Variants in BTBD2 observed in about 807,000 individuals in gnomAD.
BTBD2 encodes the protein BTB/POZ domain-containing protein 2.
In BTBD2, 15 loss-of-function variants were observed where a neutral mutation model predicts 44.0. The observed-to-expected ratio is 0.34, with a 90% CI of 0.23 to 0.53. BTBD2 has a LOEUF of 0.53. BTBD2 is among the 20% of genes least tolerant of loss of function. The pLI is 0.95. For synonymous variants in BTBD2, 443 were observed against 335.9 expected, an observed-to-expected ratio of 1.32 and a Z score of -3.49; for missense variants, 657 against 746.4, an observed-to-expected ratio of 0.88 and a Z score of 1.39.
chr19:1,986,246 A>G lies in BTBD2; in HGVS notation c.*242T>C. 2 of 551,204 alleles carry G rather than the reference A, an allele frequency of 3.6e-6. No individual in the cohort carries two copies. Among genetic ancestry groups the G allele is most frequent in the Non-Finnish European group, 6.5e-6 (2 of 307,878 alleles). The allele number at this position is 551,204 out of a possible 1,614,324, so 34.1% of individuals were successfully genotyped here. A position where few individuals can be genotyped will look rare whatever the true frequency, so the allele number is the denominator to read the frequency against. ...ACAGCCCTGTCCCTAGTCCTGAGGG[A>G]TTGTCTCCACAGGGCCTGGCCACTG... On this transcript the variant is annotated 3_prime_UTR_variant, in exon 9 of 9. Transcript: ENST00000255608.
chr19:2,000,372 T>C (rs1218485690), intron 1 of BTBD2, among the ~76,000 whole-genome samples: 1 of 152,204 alleles, frequency 6.6e-6, no homozygotes, highest in Non-Finnish European at 1.5e-5. Flanking sequence ...TTCTCTTTCT[T>C]GATTTAAAAA....
intron 1 of BTBD2, among the ~76,000 whole-genome samples, chr19:1,998,675 C>T (rs939671375): frequency 2.0e-5 from 3 of 152,212 alleles, no homozygotes; most frequent in African/African-American, 7.2e-5. Context: ...TCCACGGCTC[C>T]CAGGCTCAAG....
chr19:1,987,833 C>T, intron 5 of BTBD2, 141 bp from the exon 6 acceptor site: 1 of 827,678 alleles, frequency 1.2e-6, no homozygotes, highest in East Asian at 2.7e-5. Flanking sequence ...CCCCGGGGGA[C>T]TAGCCACCAG....
In BTBD2 at chr19:2,015,626, G is replaced by C; in HGVS notation, c.78C>G (p.Pro26=). 14 of 979,744 alleles carry C rather than the reference G, an allele frequency of 1.4e-5. No individual in the cohort carries two copies. Among genetic ancestry groups the C allele is most frequent in the Non-Finnish European group, 1.7e-5 (14 of 829,420 alleles). The allele number at this position is 979,744 out of a possible 1,614,324, so 60.7% of individuals were successfully genotyped here. Reference sequence around the variant, plus strand: ...TGGCGGCGGCGTTGGCGCTGGGCCCGGGACTGCCCCCCGTGCCCGGGCCGA... The same window carrying C: ...TGGCGGCGGCGTTGGCGCTGGGCCCCGGACTGCCCCCCGTGCCCGGGCCGA... The part of the protein sequence containing the change: ...VGVGPGTGGS[P]GPSANAAATP... The change falls in exon 1 of 9, where the codon CCC becomes CCG. Residue 26 remains proline (P), a synonymous_variant. Transcript: ENST00000255608.
In BTBD2 at chr19:1,997,252, G is replaced by A. The variant is rs1266522747; in HGVS notation, c.527+92C>T. ...GTTCTAGAAATCTCCACCAAGCCAG[G>A]GCCTCTGAGCTGGTGTCAGACAGGG... On this transcript the variant is annotated intron_variant, in intron 2 of 8. Transcript: ENST00000255608. 9 of 1,556,018 alleles carry A rather than the reference G, an allele frequency of 5.8e-6. No homozygotes were observed. In the Admixed American group the frequency reaches 1.5e-4, roughly 25 times the overall value.
At chr19:1,991,590 G>A (rs1006745181) in intron 3 of BTBD2, among the ~76,000 whole-genome samples, 1 of 152,234 alleles carries the variant, frequency 6.6e-6, no homozygotes, top group South Asian at 2.1e-4. Flanking sequence ...CCCTGTGGGA[G>A]TCCGGGATGC....
At position 1,990,179 on chromosome 19, in the gene BTBD2, C is replaced by T. The variant is rs774017796; in HGVS notation, c.813G>A (p.Glu271=). 22 of 1,605,184 alleles carry T rather than the reference C, an allele frequency of 1.4e-5. No homozygotes were observed. Among genetic ancestry groups the T allele is most frequent in the Non-Finnish European group, 1.9e-5 (22 of 1,176,748 alleles). The change falls in exon 5 of 9, where the codon GAG becomes GAA. Residue 271 remains glutamate (E), a synonymous_variant. Coordinates refer to ENST00000255608, the MANE Select transcript of BTBD2 (RefSeq NM_017797.4). ...IDLDTLVAVL[E]RDTLGIREVR... ...CCTCACGGATGCCCAGTGTGTCGCG[C>T]TCCAGGACAGCCACCAGCGTGTCTG...
chr19:2,001,192 G>C lies in BTBD2; in HGVS notation c.408-3729C>G, dbSNP rs908624227. On this transcript the variant is annotated intron_variant, in intron 1 of 8. Coordinates refer to ENST00000255608, the MANE Select transcript of BTBD2 (RefSeq NM_017797.4). ...CCAGCTACTCAGGAGGCTGAGGCAG[G>C]AGAATCACTTAGAACCCAGGAGGCA... Among the ~76,000 whole-genome samples the C allele has an allele frequency of 1.3e-5, 2 of 151,706 alleles. 1 individual carries two copies. The highest frequency in any genetic ancestry group is 6.4e-3 in the Middle Eastern group (2 of 312).
intron 1 of BTBD2, among the ~76,000 whole-genome samples, chr19:2,012,127 T>A (rs2016473098): frequency 6.6e-6 from 1 of 151,420 alleles, no homozygotes; most frequent in Non-Finnish European, 1.5e-5. Context: ...GTGCTGGGAT[T>A]ACAGGCGTGA....
Position 1,990,276 on chromosome 19 carries a change from T to A in BTBD2, c.791-75A>T, listed in dbSNP as rs1004380411. On this transcript the variant is annotated intron_variant, in intron 4 of 8. Transcript: ENST00000255608. ...CCTGCAGGAGGCAGTGAGACTAACG[T>A]GAGGACCAGCAGTTAAAGCCGGGCT... The A allele has an allele frequency of 6.7e-6, 10 of 1,488,412 alleles. No homozygotes were observed. In the African/African-American group the frequency reaches 1.4e-4, roughly 21 times the overall value. 92.2% of individuals were successfully genotyped at this position (1,488,412 alleles called of 1,614,324 possible).
At chr19:1,989,096 TA>T (rs1377874741) in intron 5 of BTBD2, among the ~76,000 whole-genome samples, 2 of 152,134 alleles carry the variant, frequency 1.3e-5, no homozygotes, top group Non-Finnish European at 2.9e-5. Context: ...GTTGTATTTT[TA>T]AGAAGTATGT....
rs1049785043 is a variant in BTBD2 at position 2,006,536 on chromosome 19, C to T, written c.407+8761G>A. Among the ~76,000 whole-genome samples the T allele has an allele frequency of 3.3e-5, 5 of 151,108 alleles. 1 individual carries two copies. Among genetic ancestry groups the T allele is most frequent in the Admixed American group, 2.6e-4 (4 of 15,154 alleles). The stretch of plus-strand genomic sequence containing the variant: ...AAAAAAAAAAAGAAAAGAAAAATCA[C>T]CCAACTTTATGTCCTTAGAAAGACC... On this transcript the variant is annotated intron_variant, in intron 1 of 8. Transcript: ENST00000255608.
At chr19:2,002,208 G>A (rs531473662) in intron 1 of BTBD2, among the ~76,000 whole-genome samples, 1 of 152,156 alleles carries the variant, frequency 6.6e-6, no homozygotes, top group African/African-American at 2.4e-5. Context: ...CAGCCTCCCG[G>A]TAGCTGGGAA....
chr19:2,007,947 GGGTGGATGTGGGT>G (rs1162673712), intron 1 of BTBD2, among the ~76,000 whole-genome samples: 4 of 151,916 alleles, frequency 2.6e-5, no homozygotes, highest in African/African-American at 7.3e-5. Flanking sequence ...GTGGACAGAT[GGGTGGATGTGGGT>G]GACTGATTCT....
chr19:2,001,150 G>A (rs1432968567), intron 1 of BTBD2, among the ~76,000 whole-genome samples: 1 of 152,020 alleles, frequency 6.6e-6, no homozygotes, highest in African/African-American at 2.4e-5. Flanking sequence ...CAGGTGTGGT[G>A]GTGGACACCT....
chr19:2,015,157 C>T (rs1424672764), intron 1 of BTBD2, 140 bp downstream of exon 1: 2 of 1,297,062 alleles, frequency 1.5e-6, no homozygotes, highest in Non-Finnish European at 2.0e-6. Context: ...TGCAGGGGTC[C>T]CGGGGACAGA....
At chr19:1,989,122 G>A (rs184708012) in intron 5 of BTBD2, among the ~76,000 whole-genome samples, 11 of 152,258 alleles carry the variant, frequency 7.2e-5, no homozygotes, top group Non-Finnish European at 1.2e-4. Flanking sequence ...AGCCAGGCTC[G>A]GTGGCCCATG....
chr19:2,003,164 C>T (rs904269477), intron 1 of BTBD2: 3 of 151,948 alleles, frequency 2.0e-5, no homozygotes, highest in South Asian at 2.1e-4. Context: ...TACTTTTCTA[C>T]GAAAAGTTTA....
intron 1 of BTBD2, among the ~76,000 whole-genome samples, chr19:2,002,415 G>C (rs1012247944): frequency 7.9e-5 from 12 of 152,216 alleles, no homozygotes; most frequent in Admixed American, 6.5e-4. Flanking sequence ...TAATTATCAA[G>C]CTCAAGGACG....
Sources: gnomAD v4.1 joint callset for allele counts (sites outside exome capture counted in the v4.1 genomes callset) on GRCh38, gnomAD v4.1.1 for gene constraint, MANE v1.5 for transcripts, NCBI Gene and HGNC (gene_info 2026-07-23, HGNC 2026-07-21) for gene names.